The following BMP7 variants were observed in gnomAD, a reference collection of about 807,000 sequenced individuals.
The protein encoded by BMP7 is bone morphogenetic protein 7, also known as osteogenic protein 1.
Under a neutral mutation model 41.2 loss-of-function variants are expected in BMP7, and 12 were observed. The ratio of observed to expected loss-of-function variants is 0.29; its 90% CI spans 0.19 to 0.47. The LOEUF (loss-of-function observed/expected upper bound fraction) is 0.47. Ranked by LOEUF, BMP7 falls within the 20% of genes least tolerant of loss-of-function variation. BMP7 has a pLI of 0.99. For missense variants in BMP7, 467 were observed against 606.0 expected, an observed-to-expected ratio of 0.77 and a Z score of 2.41; for synonymous variants, 248 against 250.0, an observed-to-expected ratio of 0.99 and a Z score of 0.07.
intron 3 of BMP7, among the ~76,000 whole-genome samples, chr20:57,190,603 G>A (rs1057032655): frequency 1.3e-5 from 2 of 152,096 alleles, no homozygotes; most frequent in African/African-American, 4.8e-5. Context: ...TCTGTGGTGG[G>A]AGACCCATTC....
At position 57,241,758 on chromosome 20, in the gene BMP7, G is replaced by A. The variant is rs181868803; in HGVS notation, c.419-13337C>T. 3.6e-3 allele frequency among the ~76,000 whole-genome samples: 541 copies of A among 151,470 alleles called. 3 individuals are homozygous for A. Among genetic ancestry groups the A allele is most frequent in the Middle Eastern group, 0.01 (3 of 288 alleles). ...GCAGCCTGCACAGATGTTGGGGTAG[G>A]GGCCAGAGGGAATGATTGTACCACA... is the stretch of plus-strand genomic sequence containing the variant. On this transcript the variant is annotated intron_variant, in intron 1 of 6. Transcript: ENST00000395863.
chr20:57,205,134 A>G lies in BMP7; in HGVS notation c.612-2511T>C, dbSNP rs934740450. ...TCTCCAGGACTATAAGGAATGAGGTATTTGTTTTTTGTTTGTTTGTTTGTT... is the reference window on the plus strand; with the variant it reads ...TCTCCAGGACTATAAGGAATGAGGTGTTTGTTTTTTGTTTGTTTGTTTGTT... On this transcript the variant is annotated intron_variant, in intron 2 of 6. Coordinates refer to ENST00000395863, the MANE Select transcript of BMP7 (RefSeq NM_001719.3). 2.6e-5 allele frequency among the ~76,000 whole-genome samples: 3 copies of G among 116,784 alleles called. No homozygotes were observed. In the East Asian group the frequency reaches 6.1e-4, roughly 24 times the overall value. The allele number at this position is 116,784 out of a possible 152,430, so 76.6% of individuals were successfully genotyped here.
intron 1 of BMP7, among the ~76,000 whole-genome samples, chr20:57,253,606 T>C (rs980202762): frequency 6.6e-6 from 1 of 152,188 alleles, no homozygotes; most frequent in Non-Finnish European, 1.5e-5. Context: ...GAACAGGCTC[T>C]AGGACTGGCT....
intron 3 of BMP7, among the ~76,000 whole-genome samples, chr20:57,196,952 A>C (rs1984506110): frequency 6.6e-6 from 1 of 151,632 alleles, no homozygotes; most frequent in African/African-American, 2.4e-5. Context: ...CCCAGGCTGG[A>C]GTGCGGTAGT....
intron 1 of BMP7, among the ~76,000 whole-genome samples, chr20:57,250,692 T>C (rs963314748): frequency 3.3e-5 from 5 of 152,176 alleles, no homozygotes; most frequent in Admixed American, 1.3e-4. Flanking sequence ...GATGTGCTTT[T>C]TTTGGAGTAG....
chr20:57,193,451 C>G (rs1347498652), intron 3 of BMP7, among the ~76,000 whole-genome samples: 1 of 152,186 alleles, frequency 6.6e-6, no homozygotes, highest in Non-Finnish European at 1.5e-5. Flanking sequence ...CTGGGAAACT[C>G]CGCTTTGTAG....
At chr20:57,234,344 T>TG (rs2066040004) in intron 1 of BMP7, among the ~76,000 whole-genome samples, 1 of 152,212 alleles carries the variant, frequency 6.6e-6, no homozygotes, top group Non-Finnish European at 1.5e-5. Context: ...GGAAGCCCCT[T>TG]GCCAGCACCT....
At chr20:57,257,101 A>G (rs1313709077) in intron 1 of BMP7, among the ~76,000 whole-genome samples, 1 of 152,180 alleles carries the variant, frequency 6.6e-6, no homozygotes, top group Non-Finnish European at 1.5e-5. Flanking sequence ...CTCTGCTGCC[A>G]CCAATGTGCA....
chr20:57,243,305 C>T (rs1040242342), intron 1 of BMP7, among the ~76,000 whole-genome samples: 1 of 151,924 alleles, frequency 6.6e-6, no homozygotes, highest in Non-Finnish European at 1.5e-5. Context: ...ATGCCAAAAC[C>T]CTGTCTCTAC....
chr20:57,266,186 G>A lies in BMP7; in HGVS notation c.-64C>T. Reference sequence around the variant, plus strand: ...GGCCCGCACCGCCCCAGGTGGCAGAGGGGGCAGGCGGCCGTCCGCGCCGCT... The same window carrying A: ...GGCCCGCACCGCCCCAGGTGGCAGAAGGGGCAGGCGGCCGTCCGCGCCGCT... On this transcript the variant is annotated 5_prime_UTR_variant, in exon 1 of 7. Coordinates refer to ENST00000395863, the MANE Select transcript of BMP7 (RefSeq NM_001719.3). 7.2e-7 allele frequency: 1 copy of A among 1,384,470 alleles called. No homozygotes were observed. Among genetic ancestry groups the A allele is most frequent in the Non-Finnish European group, 9.3e-7 (1 of 1,076,066 alleles). The allele number at this position is 1,384,470 out of a possible 1,614,324, so 85.8% of individuals were successfully genotyped here.
intron 2 of BMP7, among the ~76,000 whole-genome samples, chr20:57,220,581 G>A (rs1294398024): frequency 6.6e-6 from 1 of 152,152 alleles, no homozygotes; most frequent in Non-Finnish European, 1.5e-5. Flanking sequence ...CTGCCTCCAC[G>A]AAAGCCCATT....
At chr20:57,234,285 C>T (rs746775630) in intron 1 of BMP7, among the ~76,000 whole-genome samples, 13 of 152,224 alleles carry the variant, frequency 8.5e-5, no homozygotes, top group Middle Eastern at 3.2e-3. Context: ...GAAAGAGCCC[C>T]TGTTCGCTCT....
chr20:57,240,540 AT>A (rs1339670215), intron 1 of BMP7, among the ~76,000 whole-genome samples: 1 of 152,146 alleles, frequency 6.6e-6, no homozygotes, highest in African/African-American at 2.4e-5. Context: ...ATTTTTGGGT[AT>A]TTTCTCAGCA....
chr20:57,248,910 T>C (rs546085706), intron 1 of BMP7, among the ~76,000 whole-genome samples: 9 of 152,226 alleles, frequency 5.9e-5, no homozygotes, highest in Admixed American at 5.9e-4. Context: ...GCCATTCTCC[T>C]GCCTCAGCCT....
chr20:57,246,070 G>A (rs887288332), intron 1 of BMP7, among the ~76,000 whole-genome samples: 15 of 147,816 alleles, frequency 1.0e-4, no homozygotes, highest in Non-Finnish European at 1.4e-4. Flanking sequence ...GGTTCTGGTC[G>A]CTTCTGCTTC....
intron 1 of BMP7, among the ~76,000 whole-genome samples, chr20:57,247,502 A>G (rs1252531190): frequency 1.3e-5 from 2 of 152,192 alleles, no homozygotes; most frequent in African/African-American, 4.8e-5. Context: ...ACCACCTCTC[A>G]GCTTCTCCCC....
rs1442370398 is a variant in BMP7 at position 57,202,536 on chromosome 20, G to T, written c.699C>A (p.Asn233Lys). The T allele has an allele frequency of 1.2e-6, 2 of 1,611,160 alleles. No homozygotes were observed. The highest frequency in any genetic ancestry group is 1.3e-5 in the African/African-American group (1 of 74,790). The change falls in exon 3 of 7, where the codon AAC becomes AAA. Residue 233 changes from asparagine to lysine, a missense_variant. Coordinates refer to ENST00000395863, the MANE Select transcript of BMP7 (RefSeq NM_001719.3). ...WLVFDITATS[N>K]HWVVNPRHNL... ...TGTGCCGCGGATTGACCACCCAGTGGTTGCTGGTGGCTGTGATGTCAAACA... is the reference window on the plus strand; with the variant it reads ...TGTGCCGCGGATTGACCACCCAGTGTTTGCTGGTGGCTGTGATGTCAAACA...
chr20:57,241,042 C>T (rs920657501), intron 1 of BMP7, among the ~76,000 whole-genome samples: 2 of 152,206 alleles, frequency 1.3e-5, no homozygotes, highest in Non-Finnish European at 2.9e-5. Context: ...ATGAAAACCC[C>T]TCTCAGAGGC....
chr20:57,235,032 A>C, intron 1 of BMP7, among the ~76,000 whole-genome samples: 1 of 152,234 alleles, frequency 6.6e-6, no homozygotes, highest in East Asian at 1.9e-4. Context: ...TCCCTCCCAA[A>C]CACCAGTCCC....
Sources: allele counts gnomAD v4.1 joint callset (sites outside exome capture counted in the v4.1 genomes callset), GRCh38; gene constraint gnomAD v4.1.1; transcripts MANE v1.5; gene names NCBI Gene and HGNC (gene_info 2026-07-23, HGNC 2026-07-21).